The following DLGAP2 variants were observed in gnomAD, a reference collection of about 807,000 sequenced individuals.
DLGAP2 encodes DLG associated protein 2.
A neutral mutation model predicts 100.3 loss-of-function variants in DLGAP2; 26 were observed. That is an observed-to-expected ratio of 0.26 (90% confidence interval 0.19 to 0.36). The LOEUF is 0.36. DLGAP2 is among the 10% of genes least tolerant of loss of function. The pLI, the probability that DLGAP2 is intolerant of heterozygous loss-of-function variation, is 1.00. For synonymous variants in DLGAP2, 886 were observed against 630.1 expected (o/e 1.41, Z -6.08); for missense variants, 1,858 against 1,453.2 (o/e 1.28, Z -4.53).
rs528493496 is a variant in DLGAP2, at chr8:1,626,964, G to T, written c.1590+77G>T. 7 of 1,505,214 alleles carry T rather than the reference G, an allele frequency of 4.7e-6. No individual in the cohort carries two copies. In the African/African-American group the frequency reaches 9.6e-5, roughly 21 times the overall value. 93.2% of individuals were successfully genotyped at this position (1,505,214 alleles called of 1,614,324 possible). ...TGGCACGGAGGCCCCGGCCGCATAG[G>T]TGGCGATGGCGCTGCCCTCCTGGTC... On this transcript the variant is annotated intron_variant, in intron 7 of 14. Coordinates refer to ENST00000637795, the MANE Select transcript of DLGAP2 (RefSeq NM_001346810.2).
At position 737,768 on chromosome 8, in the gene DLGAP2, C is replaced by T. The variant is rs1820355794; in HGVS notation, c.-40C>T. 3 of 377,592 alleles carry T rather than the reference C, an allele frequency of 7.9e-6. No homozygotes were observed. In the Admixed American group the frequency reaches 1.4e-4, roughly 17 times the overall value. 23.4% of individuals were successfully genotyped at this position (377,592 alleles called of 1,614,324 possible). On this transcript the variant is annotated 5_prime_UTR_variant, in exon 1 of 15. Coordinates refer to ENST00000637795, the MANE Select transcript of DLGAP2 (RefSeq NM_001346810.2). ...GTCGGTCTGAGGAGGGGCCGCTTCG[C>T]CATGTCGCCCCGCACCTGCTGAGCC...
intron 1 of DLGAP2, among the ~76,000 whole-genome samples, chr8:900,448 GGT>G (rs1798230411): frequency 6.6e-6 from 1 of 152,242 alleles, no homozygotes; most frequent in South Asian, 2.1e-4. Flanking sequence ...TCTCACTCCT[GGT>G]GTTCATTTTG....
At chr8:752,259 G>C (rs979168721) in intron 1 of DLGAP2, among the ~76,000 whole-genome samples, 15 of 152,226 alleles carry the variant, frequency 9.9e-5, no homozygotes, top group African/African-American at 3.6e-4. Flanking sequence ...AGGGAGAGGA[G>C]AGACTCAGAT....
chr8:833,242 CTCCAGTACCCATT>C (rs543196486), intron 1 of DLGAP2, among the ~76,000 whole-genome samples: 1 of 152,222 alleles, frequency 6.6e-6, no homozygotes, highest in Non-Finnish European at 1.5e-5. Flanking sequence ...GGAGTCAGCA[CTCCAGTACCCATT>C]TCCTGAGAGA....
chr8:1,622,908 C>T (rs960461034), intron 6 of DLGAP2, among the ~76,000 whole-genome samples: 3 of 152,200 alleles, frequency 2.0e-5, no homozygotes, highest in South Asian at 2.1e-4. Flanking sequence ...TGGAGTGAGC[C>T]GTGCTGGGGA....
At chr8:765,846 C>T (rs1821199302) in intron 1 of DLGAP2, among the ~76,000 whole-genome samples, 1 of 152,114 alleles carries the variant, frequency 6.6e-6, no homozygotes, top group Non-Finnish European at 1.5e-5. Flanking sequence ...CCCCCACACA[C>T]ATGCAACCAC....
chr8:1,319,412 T>C (rs1800843605), intron 3 of DLGAP2, among the ~76,000 whole-genome samples: 1 of 152,164 alleles, frequency 6.6e-6, no homozygotes, highest in Non-Finnish European at 1.5e-5. Context: ...TTCTAGGAAA[T>C]GAGTGTGTCT....
At chr8:766,229 A>T (rs541494644) in intron 1 of DLGAP2, among the ~76,000 whole-genome samples, 5 of 152,354 alleles carry the variant, frequency 3.3e-5, no homozygotes, top group Admixed American at 3.3e-4. Context: ...AATCACACAC[A>T]GCTGCACATA....
intron 1 of DLGAP2, among the ~76,000 whole-genome samples, chr8:809,673 A>T (rs1362188675): frequency 2.6e-5 from 4 of 152,022 alleles, no homozygotes; most frequent in East Asian, 1.9e-4. Context: ...TGAAGAACGG[A>T]TGTGTTGTTT....
At chr8:1,160,909 T>C (rs1796876783) in intron 2 of DLGAP2, among the ~76,000 whole-genome samples, 2 of 152,218 alleles carry the variant, frequency 1.3e-5, no homozygotes, top group African/African-American at 4.8e-5. Context: ...AGACTGGCCG[T>C]CATCTGGGTT....
intron 6 of DLGAP2, among the ~76,000 whole-genome samples, chr8:1,582,675 T>C (rs1795980868): frequency 6.6e-6 from 1 of 152,124 alleles, no homozygotes; most frequent in African/African-American, 2.4e-5. Context: ...CTGCAACCTC[T>C]TTCTCCTGGG....
chr8:1,570,393 A>G (rs1478548786), intron 6 of DLGAP2, among the ~76,000 whole-genome samples: 1 of 152,216 alleles, frequency 6.6e-6, no homozygotes, highest in Admixed American at 6.5e-5. Context: ...GGGCTCTTTC[A>G]ATCTAGGCAC....
At chr8:1,680,766 G>A (rs1046570267) in intron 12 of DLGAP2, 1 of 152,208 alleles carries the variant, frequency 6.6e-6, no homozygotes, top group Non-Finnish European at 1.5e-5. Context: ...TTCCACCCTT[G>A]TTAGTATATG....
intron 6 of DLGAP2, among the ~76,000 whole-genome samples, chr8:1,596,705 C>G (rs530903329): frequency 6.6e-6 from 1 of 152,258 alleles, no homozygotes; most frequent in Admixed American, 6.5e-5. Flanking sequence ...CGTTCACCCA[C>G]TTTATGATTG....
At chr8:1,116,817 A>G (rs563426710) in intron 2 of DLGAP2, among the ~76,000 whole-genome samples, 26 of 152,296 alleles carry the variant, frequency 1.7e-4, no homozygotes, top group African/African-American at 6.3e-4. Context: ...AAGAGAAAAA[A>G]AAAGAGAATA....
chr8:1,658,651 C>T (rs1488418951), intron 8 of DLGAP2, among the ~76,000 whole-genome samples: 1 of 152,168 alleles, frequency 6.6e-6, no homozygotes, highest in Admixed American at 6.5e-5. Context: ...ATAGTATTCT[C>T]TGATGGTAGT....
chr8:1,458,023 T>C (rs1798369752), intron 3 of DLGAP2, among the ~76,000 whole-genome samples: 1 of 140,920 alleles, frequency 7.1e-6, no homozygotes, highest in Non-Finnish European at 1.6e-5. Flanking sequence ...TAATTTTTTA[T>C]ATGTGTGTAT....
chr8:895,182 A>G (rs929748377), intron 1 of DLGAP2, among the ~76,000 whole-genome samples: 2 of 152,040 alleles, frequency 1.3e-5, no homozygotes. Flanking sequence ...TTCTCACCAC[A>G]AAGAAATGGT....
At position 1,349,294 on chromosome 8, in the gene DLGAP2, CAT is replaced by C. The variant is rs1284776202; in HGVS notation, c.106+90412_106+90413del. Among the ~76,000 whole-genome samples the C allele has an allele frequency of 5.3e-5, 8 of 150,528 alleles. No homozygotes were observed. In the East Asian group the frequency reaches 5.9e-4, roughly 11 times the overall value. Reference sequence around the variant, plus strand: ...CACGAGCCTCCCGCCGACATCCACACATGTCATGAGCCTCCCGCCCACATCCA... The same window carrying C: ...CACGAGCCTCCCGCCGACATCCACACGTCATGAGCCTCCCGCCCACATCCA... On this transcript the variant is annotated intron_variant, in intron 3 of 14. Coordinates refer to ENST00000637795, the MANE Select transcript of DLGAP2 (RefSeq NM_001346810.2).
Sources: gnomAD v4.1 joint callset for allele counts (sites outside exome capture counted in the v4.1 genomes callset) on GRCh38, gnomAD v4.1.1 for gene constraint, MANE v1.5 for transcripts, NCBI Gene and HGNC (gene_info 2026-07-23, HGNC 2026-07-21) for gene names.